CCR3: variants seen among roughly 807,000 people sequenced by gnomAD.
CCR3 encodes C-C chemokine receptor type 3.
For missense variants in CCR3, 419 were observed against 437.5 expected (o/e 0.96, Z 0.38); for synonymous variants, 203 against 179.2 (o/e 1.13, Z -1.06).
At chr3:46,215,786 T>C (rs1699767591) in intron 2 of CCR3, among the ~76,000 whole-genome samples, 1 of 152,200 alleles carries the variant, frequency 6.6e-6, no homozygotes, top group Non-Finnish European at 1.5e-5. Flanking sequence ...GAATGAATGG[T>C]GCCACAGAGC....
chr3:46,241,331 A>T (rs928046176), upstream of CCR3, among the ~76,000 whole-genome samples: 2 of 152,230 alleles, frequency 1.3e-5, 1 homozygote, highest in African/African-American at 4.8e-5. Flanking sequence ...CAGTGTATCA[A>T]AGATCACTTC....
At chr3:46,242,990 T>TATATATACAC (rs1700118275) in intron 1 of CCR3, among the ~76,000 whole-genome samples, 1 of 116,630 alleles carries the variant, frequency 8.6e-6, no homozygotes, top group African/African-American at 4.0e-5. Context: ...CACATATATA[T>TATATATACAC]ATATATATAT....
intron 1 of CCR3, 81 bp from the exon 2 acceptor site, chr3:46,265,067 A>G (rs1700591211): frequency 1.1e-6 from 1 of 888,518 alleles, no homozygotes; most frequent in Admixed American, 2.4e-5. Flanking sequence ...TTTGTTGAGT[A>G]CATGAATAAA....
At chr3:46,222,065 A>G (rs1475054781) in intron 2 of CCR3, among the ~76,000 whole-genome samples, 1 of 152,228 alleles carries the variant, frequency 6.6e-6, no homozygotes, top group African/African-American at 2.4e-5. Flanking sequence ...TCAGATAGGC[A>G]GGCCTCCCAG....
Position 46,265,746 on chromosome 3 carries a change from GCATTTCCACACTCTGAGAATGACCATCTT to G in CCR3, c.590_618del (p.His197LeufsTer26). 1.2e-6 allele frequency: 2 copies of G among 1,613,686 alleles called. No individual in the cohort carries two copies. The highest frequency in any genetic ancestry group is 4.5e-5 in the East Asian group (2 of 44,872). On this transcript the variant is annotated frameshift_variant, in exon 2 of 2. Transcript: ENST00000395940. LOFTEE classifies it low-confidence loss of function (END_TRUNC). Reference sequence around the variant, plus strand: ...CAGAGGATACAGTATATAGCTGGAGGCATTTCCACACTCTGAGAATGACCATCTTCTGTCTCGTTCTCCCTCTGCTCGTT... The same window carrying G: ...CAGAGGATACAGTATATAGCTGGAGGCTGTCTCGTTCTCCCTCTGCTCGTT...
At chr3:46,247,324 TC>T (rs1300672044) in intron 1 of CCR3, among the ~76,000 whole-genome samples, 1 of 152,048 alleles carries the variant, frequency 6.6e-6, no homozygotes, top group Non-Finnish European at 1.5e-5. Context: ...TCTAAGGTGG[TC>T]CGGTGTCTGG....
chr3:46,243,139 T>C (rs1299346935), intron 1 of CCR3, among the ~76,000 whole-genome samples: 1 of 151,846 alleles, frequency 6.6e-6, no homozygotes, highest in Non-Finnish European at 1.5e-5. Context: ...TATTTGCTGA[T>C]AACCTACAAA....
At chr3:46,244,702 A>G (rs1700159118) in intron 1 of CCR3, among the ~76,000 whole-genome samples, 1 of 152,220 alleles carries the variant, frequency 6.6e-6, no homozygotes. Flanking sequence ...GTCATCAGTT[A>G]AGGCGGGGCA....
At chr3:46,260,616 T>A (rs1700506282) in intron 1 of CCR3, among the ~76,000 whole-genome samples, 2 of 152,222 alleles carry the variant, frequency 1.3e-5, no homozygotes, top group Non-Finnish European at 2.9e-5. Flanking sequence ...GTTATGCAGA[T>A]GTAAGAGGTG....
At position 46,265,421 on chromosome 3, in the gene CCR3, C is replaced by A. The variant is rs754233066; in HGVS notation, c.263C>A (p.Pro88Gln). The change falls in exon 2 of 2, where the codon CCA (proline) becomes CAA (glutamine). Residue 88 changes from proline (P) to glutamine (Q), a missense_variant. Physicochemically the swap from Pro to Gln is moderately conservative, Grantham distance 76 (BLOSUM62 -1). Coordinates refer to ENST00000395940, the MANE Select transcript of CCR3 (RefSeq NM_178329.3). ...ISDLLFLVTL[P>Q]FWIHYVRGHN... ...GACCTGCTCTTCCTCGTCACCCTTCCATTCTGGATCCACTATGTCAGGGGG... is the reference window on the plus strand; with the variant it reads ...GACCTGCTCTTCCTCGTCACCCTTCAATTCTGGATCCACTATGTCAGGGGG... The A allele has an allele frequency of 1.2e-6, 2 of 1,614,190 alleles. No homozygotes were observed. The highest frequency in any genetic ancestry group is 2.2e-5 in the South Asian group (2 of 91,084).
chr3:46,232,701 C>T (rs762047865), intron 2 of CCR3, among the ~76,000 whole-genome samples: 2 of 152,188 alleles, frequency 1.3e-5, no homozygotes, highest in South Asian at 2.1e-4. Context: ...TATCAAGGCC[C>T]AGATCAATGC....
intron 1 of CCR3, among the ~76,000 whole-genome samples, chr3:46,253,699 G>T (rs1016543282): frequency 1.3e-5 from 2 of 152,070 alleles, no homozygotes; most frequent in African/African-American, 4.8e-5. Context: ...AGAATTACCG[G>T]ATTCTTTTGG....
At chr3:46,214,196 T>C (rs1244234103) in intron 2 of CCR3, among the ~76,000 whole-genome samples, 2 of 152,202 alleles carry the variant, frequency 1.3e-5, no homozygotes, top group African/African-American at 2.4e-5. Context: ...CATTCTTAGC[T>C]GATGATCTTG....
At chr3:46,226,281 A>G (rs1160147599) in intron 2 of CCR3, among the ~76,000 whole-genome samples, 1 of 152,212 alleles carries the variant, frequency 6.6e-6, no homozygotes, top group Non-Finnish European at 1.5e-5. Context: ...GAAAATTGAC[A>G]TCTTTACTGT....
chr3:46,223,261 G>A (rs1007948452), intron 2 of CCR3, among the ~76,000 whole-genome samples: 1 of 152,170 alleles, frequency 6.6e-6, no homozygotes, highest in South Asian at 2.1e-4. Flanking sequence ...AACTGCTTGA[G>A]CCCAGGATGT....
intron 2 of CCR3, among the ~76,000 whole-genome samples, chr3:46,220,341 G>GATA (rs930699278): frequency 1.3e-5 from 2 of 152,076 alleles, no homozygotes; most frequent in Admixed American, 6.6e-5. Context: ...AAAAATAATA[G>GATA]ATAATAATAA....
At chr3:46,235,425 A>C (rs1030974185) in intron 2 of CCR3, among the ~76,000 whole-genome samples, 4 of 152,224 alleles carry the variant, frequency 2.6e-5, no homozygotes, top group African/African-American at 9.6e-5. Context: ...CACTTCTCAT[A>C]GGCTAGCTCA....
At chr3:46,233,599 T>G (rs143068930) in intron 2 of CCR3, among the ~76,000 whole-genome samples, 146 of 152,288 alleles carry the variant, frequency 9.6e-4, no homozygotes, top group African/African-American at 3.4e-3. Context: ...TCTGGGAGAT[T>G]GGAAGACATT....
At chr3:46,260,346 T>G (rs1700500598) in intron 1 of CCR3, among the ~76,000 whole-genome samples, 1 of 152,172 alleles carries the variant, frequency 6.6e-6, no homozygotes, top group Non-Finnish European at 1.5e-5. Context: ...ATTTCATCAT[T>G]AACTCAAAAG....
Sources: allele counts gnomAD v4.1 joint callset (sites outside exome capture counted in the v4.1 genomes callset), GRCh38; gene constraint gnomAD v4.1.1; transcripts MANE v1.5; gene names NCBI Gene and HGNC (gene_info 2026-07-23, HGNC 2026-07-21).